Variants in LDB2 observed in about 807,000 individuals in gnomAD.
The protein encoded by LDB2 is LIM domain-binding protein 2.
In LDB2, 12 loss-of-function variants were observed where a neutral mutation model predicts 44.3. That is an observed-to-expected ratio of 0.27 (90% CI 0.17 to 0.44). The LOEUF is 0.44. LDB2 is among the 20% of genes least tolerant of loss of function. The probability of loss-of-function intolerance (pLI) is 1.00; values close to 1 mark genes in which losing one functional copy is unlikely to be tolerated. For missense variants in LDB2, 344 were observed against 473.5 expected (o/e 0.73, Z 2.54); for synonymous variants, 164 against 174.8 (o/e 0.94, Z 0.49).
chr4:16,502,762 C>G lies in LDB2; in HGVS notation c.1003G>C (p.Asp335His). 6.2e-7 allele frequency: 1 copy of G among 1,614,016 alleles called. No homozygotes were observed. The highest frequency in any genetic ancestry group is 8.5e-7 in the Non-Finnish European group (1 of 1,179,974). Residue 335 changes from aspartate (D) to histidine (H), a missense_variant, in exon 8 of 8, where the codon GAC becomes CAC. By Grantham distance (81) the Asp-to-His change is moderately conservative (BLOSUM62 -1). Coordinates refer to ENST00000304523, the MANE Select transcript of LDB2 (RefSeq NM_001290.5). ...GAATTGTTGAAGTCCTCCTCGTCGT[C>G]CATGCCGTTGGCCGCATCATATTGC... ...NTQYDAANGMDDEEDFNNSPA... is the reference protein window; with the variant it reads ...NTQYDAANGMHDEEDFNNSPA...
In LDB2 at chr4:16,855,437, C is replaced by T. The variant is rs1430067141; in HGVS notation, c.132+42917G>A. Among the ~76,000 whole-genome samples, 3 of 151,996 alleles carry T rather than the reference C, an allele frequency of 2.0e-5. No individual in the cohort carries two copies. The East Asian group carries it at 5.8e-4, about 29-fold the overall frequency. ...ACAGACAGAATGAGAAGAATAAAGA[C>T]CATACTAGGAAAAACACTTGTATGA... On this transcript the variant is annotated intron_variant, in intron 1 of 7. Coordinates refer to ENST00000304523, the MANE Select transcript of LDB2 (RefSeq NM_001290.5).
At chr4:16,530,686 C>T (rs576921930) in intron 5 of LDB2, among the ~76,000 whole-genome samples, 2 of 152,304 alleles carry the variant, frequency 1.3e-5, no homozygotes, top group East Asian at 3.9e-4. Context: ...AGGTACAGAA[C>T]CTTCCCAAAG....
At chr4:16,750,693 A>C (rs1765322164) in intron 2 of LDB2, among the ~76,000 whole-genome samples, 1 of 152,214 alleles carries the variant, frequency 6.6e-6, no homozygotes, top group South Asian at 2.1e-4. Context: ...AACAAAGAAA[A>C]CACAGGATGC....
At chr4:16,637,274 T>G (rs1733844972) in intron 2 of LDB2, among the ~76,000 whole-genome samples, 1 of 150,572 alleles carries the variant, frequency 6.6e-6, no homozygotes, top group Non-Finnish European at 1.5e-5. Flanking sequence ...GCTTGAATGC[T>G]CTATGGAAGT....
rs137941551 is a variant in LDB2, at chr4:16,810,006, A to T, written c.133-50746T>A. On this transcript the variant is annotated intron_variant, in intron 1 of 7. Coordinates refer to ENST00000304523, the MANE Select transcript of LDB2 (RefSeq NM_001290.5). ...TGTCAGTATTGACAAACAGTTCATG[A>T]TCTAAATGAGCAGCTGGACATCCGT... Among the ~76,000 whole-genome samples, 200 of 152,332 alleles carry T rather than the reference A, an allele frequency of 1.3e-3. 1 individual carries two copies. Among genetic ancestry groups the T allele is most frequent in the African/African-American group, 4.7e-3 (194 of 41,580 alleles).
intron 5 of LDB2, among the ~76,000 whole-genome samples, chr4:16,530,327 G>A (rs959962349): frequency 1.2e-4 from 18 of 152,110 alleles, no homozygotes; most frequent in Non-Finnish European, 2.2e-4. Context: ...TTTTCAAATA[G>A]GACATTTGCT....
intron 5 of LDB2, among the ~76,000 whole-genome samples, chr4:16,569,988 T>C (rs1463557756): frequency 1.3e-5 from 2 of 152,132 alleles, no homozygotes; most frequent in South Asian, 2.1e-4. Context: ...CAAGGACAGT[T>C]AACAGCCTTC....
chr4:16,705,526 A>G (rs1207801385), intron 2 of LDB2, among the ~76,000 whole-genome samples: 4 of 152,154 alleles, frequency 2.6e-5, no homozygotes, highest in African/African-American at 9.7e-5. Context: ...AGAGGCAGGA[A>G]ATTCAATCTG....
At chr4:16,551,347 C>T (rs550864303) in intron 5 of LDB2, among the ~76,000 whole-genome samples, 58 of 152,218 alleles carry the variant, frequency 3.8e-4, no homozygotes, top group African/African-American at 1.3e-3. Context: ...AAAACTGTAT[C>T]TTAACTGTGG....
rs560757536 is a variant in LDB2, at chr4:16,882,595, A to G, written c.132+15759T>C. ...ATAGGGTTAAGCTCCTTGGAAATAC[A>G]ATGGAGTGAATTAAGGCTGAGATTT... On this transcript the variant is annotated intron_variant, in intron 1 of 7. Transcript: ENST00000304523. Among the ~76,000 whole-genome samples the G allele has an allele frequency of 3.9e-5, 6 of 152,302 alleles. No individual in the cohort carries two copies. In the East Asian group the frequency reaches 7.7e-4, roughly 20 times the overall value.
Position 16,585,231 on chromosome 4 carries a change from G to A in LDB2, c.615+691C>T, listed in dbSNP as rs188675699. 4.8e-3 allele frequency among the ~76,000 whole-genome samples: 724 copies of A among 152,270 alleles called. 9 individuals are homozygous for A. Among genetic ancestry groups the A allele is most frequent in the African/African-American group, 0.017 (687 of 41,550 alleles). ...GCTACCCTGGCTGGGAGCACCCGCCGTCCACCCACACTCCTGGGCTGACTT... is the reference window on the plus strand; with the variant it reads ...GCTACCCTGGCTGGGAGCACCCGCCATCCACCCACACTCCTGGGCTGACTT... On this transcript the variant is annotated intron_variant, in intron 5 of 7. Coordinates refer to ENST00000304523, the MANE Select transcript of LDB2 (RefSeq NM_001290.5).
chr4:16,702,883 T>A (rs1160486949), intron 2 of LDB2, among the ~76,000 whole-genome samples: 1 of 152,202 alleles, frequency 6.6e-6, no homozygotes, highest in Non-Finnish European at 1.5e-5. Context: ...TTATAGCCCT[T>A]GAATGCCTAT....
At chr4:16,750,564 A>G (rs1208945217) in intron 2 of LDB2, among the ~76,000 whole-genome samples, 1 of 145,540 alleles carries the variant, frequency 6.9e-6, no homozygotes, top group East Asian at 2.0e-4. Flanking sequence ...GTCCAGGTAG[A>G]TCTCTTAGTC....
At chr4:16,648,115 G>A (rs1333841879) in intron 2 of LDB2, among the ~76,000 whole-genome samples, 1 of 152,164 alleles carries the variant, frequency 6.6e-6, no homozygotes, top group Admixed American at 6.5e-5. Context: ...ATACATGTCT[G>A]TAAATAAAGC....
At chr4:16,598,876 T>C (rs1002120969) in intron 2 of LDB2, among the ~76,000 whole-genome samples, 3 of 62,884 alleles carry the variant, frequency 4.8e-5, no homozygotes, top group Non-Finnish European at 6.2e-5. Context: ...TTTCTTTCTT[T>C]CTTTTTTTTT....
chr4:16,809,651 T>C (rs1289098433), intron 1 of LDB2, among the ~76,000 whole-genome samples: 2 of 152,120 alleles, frequency 1.3e-5, no homozygotes, highest in Non-Finnish European at 2.9e-5. Context: ...TGACTACAAG[T>C]TTTGTACCTA....
intron 2 of LDB2, among the ~76,000 whole-genome samples, chr4:16,710,903 G>T (rs181271817): frequency 6.6e-6 from 1 of 152,124 alleles, no homozygotes; most frequent in Non-Finnish European, 1.5e-5. Context: ...CTAAAGTACC[G>T]AAAGGCAATT....
intron 2 of LDB2, among the ~76,000 whole-genome samples, chr4:16,638,467 A>G (rs1028013754): frequency 3.9e-5 from 6 of 152,212 alleles, no homozygotes; most frequent in Admixed American, 1.3e-4. Context: ...TCCAGCTCAG[A>G]TTGCTTGGAG....
chr4:16,747,382 C>A (rs574374558), intron 2 of LDB2, among the ~76,000 whole-genome samples: 2 of 152,102 alleles, frequency 1.3e-5, no homozygotes, highest in African/African-American at 4.8e-5. Context: ...ATATAATTAG[C>A]GGTTTATTTA....
Sources: gnomAD v4.1 joint callset for allele counts (sites outside exome capture counted in the v4.1 genomes callset) on GRCh38, gnomAD v4.1.1 for gene constraint, MANE v1.5 for transcripts, NCBI Gene and HGNC (gene_info 2026-07-23, HGNC 2026-07-21) for gene names.